MAN1A2: variants seen among roughly 807,000 people sequenced by gnomAD.
MAN1A2 encodes mannosyl-oligosaccharide 1,2-alpha-mannosidase IB.
MAN1A2 carries 26 observed loss-of-function variants against 75.7 expected under a neutral mutation model. The observed-to-expected ratio is 0.34, with a 90% CI of 0.25 to 0.48. The LOEUF is 0.48. Among genes scored for constraint, MAN1A2 ranks in the 20% least tolerant of loss-of-function variants. The pLI is 0.99. For missense variants in MAN1A2, 562 were observed against 775.5 expected, an observed-to-expected ratio of 0.72 and a Z score of 3.27; for synonymous variants, 247 against 264.6, an observed-to-expected ratio of 0.93 and a Z score of 0.65.
chr1:117,430,238 A>T (rs867205657), intron 5 of MAN1A2, among the ~76,000 whole-genome samples: 1 of 102,652 alleles, frequency 9.7e-6, no homozygotes, highest in Non-Finnish European at 2.0e-5. Flanking sequence ...CCCGGACGGC[A>T]CGGCTGGCCA....
intron 8 of MAN1A2, among the ~76,000 whole-genome samples, chr1:117,490,754 G>C (rs1198763761): frequency 6.6e-6 from 1 of 152,068 alleles, no homozygotes; most frequent in Admixed American, 6.6e-5. Flanking sequence ...GATTGTGAAA[G>C]GAAAGGAAAA....
chr1:117,443,043 C>T (rs10923299), intron 6 of MAN1A2, among the ~76,000 whole-genome samples: 16,548 of 152,026 alleles, frequency 0.11, 1,017 homozygotes, highest in Non-Finnish European at 0.14. Flanking sequence ...ATTTGTTGTG[C>T]TCATTTTTTC....
At chr1:117,480,068 AG>A (rs1424550755) in intron 8 of MAN1A2, among the ~76,000 whole-genome samples, 2 of 151,910 alleles carry the variant, frequency 1.3e-5, no homozygotes, top group East Asian at 1.9e-4. Context: ...TGTAAGCACC[AG>A]GCAGTGTTCC....
At chr1:117,400,288 T>TAA (rs1647379082) in intron 1 of MAN1A2, among the ~76,000 whole-genome samples, 1 of 151,962 alleles carries the variant, frequency 6.6e-6, no homozygotes, top group Non-Finnish European at 1.5e-5. Flanking sequence ...TTCTCTCTCT[T>TAA]GTTTCTCTTA....
At chr1:117,397,028 T>G (rs1169657137) in intron 1 of MAN1A2, among the ~76,000 whole-genome samples, 2 of 151,732 alleles carry the variant, frequency 1.3e-5, no homozygotes, top group Non-Finnish European at 2.9e-5. Context: ...TTGGGTTAAG[T>G]ATACTTTTTT....
At chr1:117,440,492 G>A (rs1289687515) in intron 5 of MAN1A2, among the ~76,000 whole-genome samples, 5 of 152,048 alleles carry the variant, frequency 3.3e-5, no homozygotes. Context: ...TGAAAATAGG[G>A]AAGATAAGTC....
chr1:117,397,150 C>G (rs1178750288), intron 1 of MAN1A2, among the ~76,000 whole-genome samples: 1 of 152,068 alleles, frequency 6.6e-6, no homozygotes, highest in Admixed American at 6.6e-5. Context: ...TTCTTGCCCT[C>G]TAGTTGATAT....
chr1:117,480,251 C>T (rs1248864925), intron 8 of MAN1A2, among the ~76,000 whole-genome samples: 1 of 151,918 alleles, frequency 6.6e-6, no homozygotes, highest in Non-Finnish European at 1.5e-5. Context: ...GTAGCTTCCC[C>T]AGTCTTTCCA....
chr1:117,500,204 A>C (rs1651157743), intron 11 of MAN1A2, among the ~76,000 whole-genome samples: 1 of 151,798 alleles, frequency 6.6e-6, no homozygotes, highest in Non-Finnish European at 1.5e-5. Flanking sequence ...TTACACACCA[A>C]ATCAAAGGTT....
chr1:117,378,334 T>G (rs1653222757), intron 1 of MAN1A2, among the ~76,000 whole-genome samples: 1 of 152,296 alleles, frequency 6.6e-6, no homozygotes, highest in Admixed American at 6.5e-5. Context: ...TTGATATAAA[T>G]TATATACAGT....
At chr1:117,476,721 C>A (rs1266246507) in intron 8 of MAN1A2, among the ~76,000 whole-genome samples, 1 of 151,962 alleles carries the variant, frequency 6.6e-6, no homozygotes, top group Non-Finnish European at 1.5e-5. Flanking sequence ...GTCTATATTT[C>A]TGTTTTGGTA....
At chr1:117,470,144 G>A (rs1444230796) in intron 8 of MAN1A2, among the ~76,000 whole-genome samples, 1 of 152,060 alleles carries the variant, frequency 6.6e-6, no homozygotes, top group African/African-American at 2.4e-5. Context: ...AAAAGGAATG[G>A]AGTTCTGATA....
intron 7 of MAN1A2, among the ~76,000 whole-genome samples, chr1:117,462,812 A>G (rs1343656433): frequency 6.6e-6 from 1 of 152,178 alleles, no homozygotes; most frequent in Non-Finnish European, 1.5e-5. Flanking sequence ...AGAATGACCC[A>G]ATTCGTATAA....
chr1:117,402,471 G>A, intron 2 of MAN1A2, 30 bp downstream of exon 2: 1 of 1,551,030 alleles, frequency 6.4e-7, no homozygotes, highest in Non-Finnish European at 8.7e-7. Context: ...GATATGGAGT[G>A]TTTATGGATT....
At chr1:117,398,622 C>T (rs982628626) in intron 1 of MAN1A2, among the ~76,000 whole-genome samples, 18 of 149,812 alleles carry the variant, frequency 1.2e-4, no homozygotes, top group Middle Eastern at 3.3e-3. Context: ...TGCAGTGAGC[C>T]GAGATCGTGC....
At chr1:117,405,173 A>G (rs1222609289) in intron 2 of MAN1A2, among the ~76,000 whole-genome samples, 1 of 152,218 alleles carries the variant, frequency 6.6e-6, no homozygotes, top group Non-Finnish European at 1.5e-5. Context: ...GTCTAAGGAT[A>G]GGGGATTTTC....
intron 8 of MAN1A2, among the ~76,000 whole-genome samples, chr1:117,469,844 A>G (rs927505834): frequency 1.3e-5 from 2 of 152,120 alleles, no homozygotes; most frequent in African/African-American, 4.8e-5. Context: ...GGATGTGGAG[A>G]AGTTGGAACC....
chr1:117,440,537 A>G lies in MAN1A2; in HGVS notation c.856-1694A>G, dbSNP rs145811219. ...TTGTTAAAGAGTTTATATATTTATA[A>G]ATTAAGATTTATATACTATGTAAGG... is the stretch of plus-strand genomic sequence containing the variant. On this transcript the variant is annotated intron_variant, in intron 5 of 12. Transcript: ENST00000356554. Among the ~76,000 whole-genome samples, 59 of 152,256 alleles carry G rather than the reference A, an allele frequency of 3.9e-4. No individual in the cohort carries two copies. In the East Asian group the frequency reaches 0.011, roughly 28 times the overall value.
At chr1:117,410,509 G>A (rs1412550074) in intron 3 of MAN1A2, among the ~76,000 whole-genome samples, 1 of 151,164 alleles carries the variant, frequency 6.6e-6, no homozygotes, top group African/African-American at 2.4e-5. Context: ...AATATTGAAA[G>A]ACTATATGCT....
Sources: gnomAD v4.1 joint callset for allele counts (sites outside exome capture counted in the v4.1 genomes callset) on GRCh38, gnomAD v4.1.1 for gene constraint, MANE v1.5 for transcripts, NCBI Gene and HGNC (gene_info 2026-07-23, HGNC 2026-07-21) for gene names.